Variants in WASF3 observed in about 807,000 individuals in gnomAD.
The protein encoded by WASF3 is WASP family member 3.
A neutral mutation model predicts 46.6 loss-of-function variants in WASF3; 11 were observed. The ratio of observed to expected loss-of-function variants is 0.24; its 90% CI spans 0.15 to 0.39. The LOEUF is 0.39. Ranked by LOEUF, WASF3 falls within the 10% of genes least tolerant of loss-of-function variation. The probability of loss-of-function intolerance (pLI) is 1.00; values close to 1 mark genes in which losing one functional copy is unlikely to be tolerated. For synonymous variants in WASF3, 242 were observed against 259.7 expected, an observed-to-expected ratio of 0.93 and a Z score of 0.65; for missense variants, 576 against 669.8, an observed-to-expected ratio of 0.86 and a Z score of 1.55.
chr13:26,606,918 A>G (rs993638607), intron 1 of WASF3: 15 of 152,208 alleles, frequency 9.9e-5, no homozygotes, highest in African/African-American at 3.6e-4. Context: ...AATTTTGTGC[A>G]TGCACATGAG....
chr13:26,642,845 T>C (rs1240404459), intron 3 of WASF3, among the ~76,000 whole-genome samples: 4 of 152,184 alleles, frequency 2.6e-5, no homozygotes, highest in Non-Finnish European at 5.9e-5. Flanking sequence ...TATCTGTTGA[T>C]TGAATAACAT....
the WASF3 span, among the ~76,000 whole-genome samples, chr13:26,548,196 A>G: frequency 6.6e-6 from 1 of 152,218 alleles, no homozygotes; most frequent in Non-Finnish European, 1.5e-5. Flanking sequence ...CTTAGCATTC[A>G]GCATAAAACT....
upstream of WASF3, among the ~76,000 whole-genome samples, chr13:26,557,333 G>C (rs1322022642): frequency 6.6e-6 from 1 of 152,154 alleles, no homozygotes; most frequent in African/African-American, 2.4e-5. Context: ...ACCCAGGGAG[G>C]ATTAGGATAT....
chr13:26,629,820 G>A (rs1319723748), intron 2 of WASF3, among the ~76,000 whole-genome samples: 1 of 152,020 alleles, frequency 6.6e-6, no homozygotes, highest in Non-Finnish European at 1.5e-5. Flanking sequence ...CTCATTCTGG[G>A]GAGCTTTGCA....
At chr13:26,660,202 T>G (rs1326102681) in intron 3 of WASF3, among the ~76,000 whole-genome samples, 1 of 109,602 alleles carries the variant, frequency 9.1e-6, no homozygotes, top group Non-Finnish European at 1.8e-5. Flanking sequence ...TGGTTTTTTT[T>G]TTTTTTTTTT....
chr13:26,658,083 T>C lies in WASF3; in HGVS notation c.134-6945T>C, dbSNP rs558549508. On this transcript the variant is annotated intron_variant, in intron 3 of 9. Transcript: ENST00000335327. ...GAGTACATGATGTTGTTCTCAACAA[T>C]AGTTGGTGTGCTTTGAGAGTATTGC... Among the ~76,000 whole-genome samples, 12 of 152,262 alleles carry C rather than the reference T, an allele frequency of 7.9e-5. No individual in the cohort carries two copies. The South Asian group carries it at 2.3e-3, about 29-fold the overall frequency.
chr13:26,663,257 G>A (rs1013057365), intron 3 of WASF3, among the ~76,000 whole-genome samples: 1 of 152,164 alleles, frequency 6.6e-6, no homozygotes, highest in African/African-American at 2.4e-5. Flanking sequence ...TACAGGATTT[G>A]AGAATCTTAA....
chr13:26,601,380 T>C (rs73166068), intron 1 of WASF3, among the ~76,000 whole-genome samples: 1,365 of 109,514 alleles, frequency 0.012, 11 homozygotes, highest in Middle Eastern at 0.023. Flanking sequence ...AGTTCTATAG[T>C]CATTTAATCA....
chr13:26,573,788 C>T (rs1879708628), intron 1 of WASF3, among the ~76,000 whole-genome samples: 1 of 152,162 alleles, frequency 6.6e-6, no homozygotes, highest in Non-Finnish European at 1.5e-5. Flanking sequence ...TCAGACCATT[C>T]CCAGAACTTC....
At chr13:26,596,594 G>A (rs1400245853) in intron 1 of WASF3, among the ~76,000 whole-genome samples, 1 of 152,020 alleles carries the variant, frequency 6.6e-6, no homozygotes, top group Non-Finnish European at 1.5e-5. Context: ...TAGCAATTTG[G>A]CTATGATGTG....
the WASF3 span, among the ~76,000 whole-genome samples, chr13:26,540,164 T>C: frequency 1.3e-5 from 2 of 152,152 alleles, no homozygotes; most frequent in Admixed American, 6.5e-5. Context: ...TCAAACCTGG[T>C]TGGGCAACAA....
chr13:26,616,818 T>G lies in WASF3; in HGVS notation c.-11+3760T>G, dbSNP rs544555481. Reference sequence around the variant, plus strand: ...GCTCTTTATTTCTGGAGGTTGGAGATCTGCCATTCCAATTGTCATCAGTAT... The same window carrying G: ...GCTCTTTATTTCTGGAGGTTGGAGAGCTGCCATTCCAATTGTCATCAGTAT... On this transcript the variant is annotated intron_variant, in intron 2 of 9. Coordinates refer to ENST00000335327, the MANE Select transcript of WASF3 (RefSeq NM_006646.6). Among the ~76,000 whole-genome samples, 131 of 152,290 alleles carry G rather than the reference T, an allele frequency of 8.6e-4. 1 individual carries two copies. Among genetic ancestry groups the G allele is most frequent in the African/African-American group, 3.1e-3 (127 of 41,558 alleles).
At chr13:26,636,625 C>G (rs754510036) in intron 2 of WASF3, among the ~76,000 whole-genome samples, 7 of 152,254 alleles carry the variant, frequency 4.6e-5, no homozygotes, top group Admixed American at 2.6e-4. Flanking sequence ...CAGACCAGAG[C>G]TGTTCCTATT....
At chr13:26,572,511 G>T (rs1049984896) in intron 1 of WASF3, among the ~76,000 whole-genome samples, 2 of 152,096 alleles carry the variant, frequency 1.3e-5, no homozygotes, top group African/African-American at 4.8e-5. Context: ...TTAGACTTAT[G>T]AATATGGTGA....
the WASF3 span, among the ~76,000 whole-genome samples, chr13:26,539,532 C>T: frequency 6.6e-6 from 1 of 152,024 alleles, no homozygotes; most frequent in Non-Finnish European, 1.5e-5. Context: ...AAAAATATGT[C>T]CCTCAGATCT....
intron 2 of WASF3, among the ~76,000 whole-genome samples, chr13:26,630,702 AT>A (rs1566056750): frequency 1.3e-5 from 2 of 152,042 alleles, no homozygotes; most frequent in East Asian, 4.0e-4. Flanking sequence ...GTCAAATGCT[AT>A]TTCTAGTTCT....
At chr13:26,542,249 T>C in the WASF3 span, among the ~76,000 whole-genome samples, 708 of 152,362 alleles carry the variant, frequency 4.6e-3, 2 homozygotes, top group Non-Finnish European at 7.8e-3. Context: ...CCTTCACACC[T>C]TTGTTATTTG....
chr13:26,594,895 T>G (rs1880414650), intron 1 of WASF3, among the ~76,000 whole-genome samples: 1 of 152,218 alleles, frequency 6.6e-6, no homozygotes, highest in South Asian at 2.1e-4. Context: ...ATACTGTCCC[T>G]CAGTTGTTCG....
At chr13:26,611,563 G>A (rs144376886) in intron 1 of WASF3, among the ~76,000 whole-genome samples, 18 of 152,158 alleles carry the variant, frequency 1.2e-4, no homozygotes, top group African/African-American at 4.3e-4. Context: ...GTATAGGGCT[G>A]GTTACCCTCA....
Sources: gnomAD v4.1 joint callset for allele counts (sites outside exome capture counted in the v4.1 genomes callset) on GRCh38, gnomAD v4.1.1 for gene constraint, MANE v1.5 for transcripts, NCBI Gene and HGNC (gene_info 2026-07-23, HGNC 2026-07-21) for gene names.